Variants in MYCBP2 observed in about 807,000 individuals in gnomAD.
The protein encoded by MYCBP2 is E3 ubiquitin-protein ligase MYCBP2.
A neutral mutation model predicts 525.3 loss-of-function variants in MYCBP2; 120 were observed. That is an observed-to-expected ratio of 0.23 (90% CI 0.20 to 0.27). MYCBP2 has a LOEUF of 0.27. Ranked by LOEUF, MYCBP2 falls within the 10% of genes least tolerant of loss-of-function variation. MYCBP2 has a pLI of 1.00. For missense variants in MYCBP2, 4,149 were observed against 5,657.1 expected (o/e 0.73, Z 8.55); for synonymous variants, 1,894 against 1,955.8 (o/e 0.97, Z 0.83).
At chr13:77,260,337 C>T in intron 13 of MYCBP2, 91 bp downstream of exon 13, 1 of 843,942 alleles carries the variant, frequency 1.2e-6, no homozygotes, top group Non-Finnish European at 1.7e-6. Flanking sequence ...AGAAAGCATG[C>T]CACCAACATA....
intron 34 of MYCBP2, 75 bp from the exon 35 acceptor site, chr13:77,178,029 C>A: frequency 1.1e-6 from 1 of 885,748 alleles, no homozygotes; most frequent in South Asian, 1.4e-5. Context: ...TCTAAGAAGT[C>A]TAATAAAATA....
rs1261027973 is a variant in MYCBP2, at chr13:77,097,704, C to T, written c.9450G>A (p.Met3150Ile). 1.9e-6 allele frequency: 3 copies of T among 1,613,548 alleles called. No homozygotes were observed. The highest frequency in any genetic ancestry group is 1.7e-5 in the Admixed American group (1 of 59,912). Residue 3150 changes from methionine (M) to isoleucine (I), a missense_variant, in exon 56 of 83, where the codon ATG becomes ATA. Met to Ile is a conservative substitution (Grantham distance 10). This residue lies in a region of MYCBP2 where 653 missense variants were observed against 744.7 expected (regional missense o/e 0.88). Coordinates refer to ENST00000544440, the MANE Select transcript of MYCBP2 (RefSeq NM_015057.5). ...TTAAGGGAAGAGGAGACTTAGACTT[C>T]ATTGTGTTATGCATGGACATTTCAA... is the stretch of plus-strand genomic sequence containing the variant. ...TTFEMSMHNT[M>I]KSKSPLPLTL...
chr13:77,220,526 T>C (rs562222799), intron 20 of MYCBP2, among the ~76,000 whole-genome samples: 7 of 152,192 alleles, frequency 4.6e-5, no homozygotes, highest in Non-Finnish European at 8.8e-5. Context: ...TTATCATGCA[T>C]ACCACAATAT....
chr13:77,230,510 AT>A (rs1161260514), intron 18 of MYCBP2, among the ~76,000 whole-genome samples: 1 of 152,218 alleles, frequency 6.6e-6, no homozygotes, highest in Non-Finnish European at 1.5e-5. Context: ...GTTTGTTCAA[AT>A]TTTGGAATAT....
At chr13:77,086,699 T>G (rs566882503) in intron 62 of MYCBP2, among the ~76,000 whole-genome samples, 2 of 152,246 alleles carry the variant, frequency 1.3e-5, no homozygotes, top group African/African-American at 4.8e-5. Flanking sequence ...TTTGCTGACA[T>G]GCTATAAAAT....
intron 26 of MYCBP2, among the ~76,000 whole-genome samples, chr13:77,195,287 T>A (rs73241448): frequency 0.022 from 3,386 of 152,248 alleles, 55 homozygotes; most frequent in Middle Eastern, 0.068. Context: ...TTCATTCACC[T>A]AATCTCTTAG....
At chr13:77,059,979 A>G (rs2038970642) in intron 76 of MYCBP2, among the ~76,000 whole-genome samples, 1 of 152,216 alleles carries the variant, frequency 6.6e-6, no homozygotes, top group African/African-American at 2.4e-5. Flanking sequence ...AAAATTAAAT[A>G]AAAATACACA....
intron 24 of MYCBP2, among the ~76,000 whole-genome samples, chr13:77,206,324 A>G (rs954376162): frequency 3.3e-5 from 5 of 150,188 alleles, no homozygotes; most frequent in Non-Finnish European, 5.9e-5. Context: ...TTTATTTAAC[A>G]TAATATACAT....
chr13:77,267,143 T>A (rs1296696052), intron 8 of MYCBP2, among the ~76,000 whole-genome samples: 6 of 151,994 alleles, frequency 3.9e-5, no homozygotes, highest in Admixed American at 3.9e-4. Context: ...ATCAACATTA[T>A]AAACAAATTC....
intron 1 of MYCBP2, among the ~76,000 whole-genome samples, chr13:77,307,625 CAAAAAAAAAA>C (rs763388200): frequency 0.079 from 2,380 of 30,062 alleles, 41 homozygotes; most frequent in Middle Eastern, 0.3. Context: ...GACCCTGTCT[CAAAAAAAAAA>C]AAAAAAAAAA....
intron 37 of MYCBP2, among the ~76,000 whole-genome samples, chr13:77,171,932 GCT>G (rs1172811525): frequency 3.9e-5 from 6 of 152,068 alleles, no homozygotes; most frequent in Non-Finnish European, 8.8e-5. Context: ...ACAGAGTCTT[GCT>G]CTGTCGCCCA....
rs1195054394 is a variant in MYCBP2 at position 77,070,794 on chromosome 13, CTT to C, written c.11824-85_11824-84del. 1.4e-5 allele frequency: 11 copies of C among 796,642 alleles called. No homozygotes were observed. In the Admixed American group the frequency reaches 2.4e-4, roughly 17 times the overall value. 49.3% of individuals were successfully genotyped at this position (796,642 alleles called of 1,614,324 possible). ...TTGTATATGTGATATTTCAAAGTAACTTGAGAAATAATTTTGTGTATATATTT... is the reference window on the plus strand; with the variant it reads ...TTGTATATGTGATATTTCAAAGTAACGAGAAATAATTTTGTGTATATATTT... On this transcript the variant is annotated intron_variant, in intron 68 of 82. Transcript: ENST00000544440.
chr13:77,269,267 T>C (rs2074530411), intron 7 of MYCBP2, among the ~76,000 whole-genome samples: 1 of 152,220 alleles, frequency 6.6e-6, no homozygotes, highest in Non-Finnish European at 1.5e-5. Flanking sequence ...AAGTACTGAA[T>C]CTAGACTAAA....
At chr13:77,146,655 T>C (rs1162435807) in intron 47 of MYCBP2, among the ~76,000 whole-genome samples, 1 of 151,952 alleles carries the variant, frequency 6.6e-6, no homozygotes, top group East Asian at 1.9e-4. Flanking sequence ...GAAGAAGAAA[T>C]CTGAAAGGTC....
intron 37 of MYCBP2, among the ~76,000 whole-genome samples, chr13:77,171,918 T>C (rs1038749774): frequency 5.1e-4 from 77 of 152,318 alleles, no homozygotes; most frequent in African/African-American, 1.9e-3. Context: ...TTTACTTATT[T>C]GAGACAGAGT....
intron 13 of MYCBP2, among the ~76,000 whole-genome samples, chr13:77,258,838 T>C (rs187143310): frequency 1.3e-5 from 2 of 152,290 alleles, no homozygotes; most frequent in Admixed American, 1.3e-4. Context: ...ATAACAACTA[T>C]ATGAAGCAGG....
intron 59 of MYCBP2, among the ~76,000 whole-genome samples, 156 bp downstream of exon 59, chr13:77,093,009 C>T (rs528530572): frequency 6.6e-6 from 1 of 152,280 alleles, no homozygotes; most frequent in Admixed American, 6.5e-5. Context: ...AAGGACCTTA[C>T]CTTAGTCATA....
At chr13:77,216,140 A>G (rs750279971) in intron 21 of MYCBP2, among the ~76,000 whole-genome samples, 30 of 152,358 alleles carry the variant, frequency 2.0e-4, no homozygotes, top group South Asian at 8.3e-4. Flanking sequence ...TGTCACAAGA[A>G]TACAGGAGCC....
chr13:77,250,474 T>C (rs1339595247), intron 15 of MYCBP2, among the ~76,000 whole-genome samples: 2 of 152,216 alleles, frequency 1.3e-5, no homozygotes, highest in Non-Finnish European at 2.9e-5. Flanking sequence ...ATTACAAAGC[T>C]GATCACACAA....
Sources: gnomAD v4.1 joint callset for allele counts (sites outside exome capture counted in the v4.1 genomes callset) on GRCh38, gnomAD v4.1.1 for gene constraint, gnomAD v4.1.1 regional missense constraint, MANE v1.5 for transcripts, NCBI Gene and HGNC (gene_info 2026-07-23, HGNC 2026-07-21) for gene names.